IL1RAPL1: variants seen among roughly 807,000 people sequenced by gnomAD.
IL1RAPL1 encodes the protein interleukin-1 receptor accessory protein-like 1.
In IL1RAPL1, 3 loss-of-function variants were observed where a neutral mutation model predicts 48.4. That is an observed-to-expected ratio of 0.06 (90% confidence interval 0.03 to 0.16). The LOEUF is 0.16. IL1RAPL1 is among the 10% of genes least tolerant of loss of function. The pLI is 1.00. For missense variants in IL1RAPL1, 349 were observed against 530.6 expected, an observed-to-expected ratio of 0.66 and a Z score of 3.36; for synonymous variants, 185 against 187.7, an observed-to-expected ratio of 0.99 and a Z score of 0.12.
chrX:29,856,144 C>T (rs752881591), intron 6 of IL1RAPL1, among the ~76,000 whole-genome samples: 3 of 111,690 alleles, frequency 2.7e-5, no homozygotes, highest in Admixed American at 9.5e-5. Flanking sequence ...AGCTCCAGCA[C>T]GAGTTGAGAA....
chrX:29,316,014 T>C (rs1932769220), intron 3 of IL1RAPL1, among the ~76,000 whole-genome samples: 1 of 111,808 alleles, frequency 8.9e-6, no homozygotes, highest in East Asian at 2.8e-4. Context: ...AATTTGAAAG[T>C]GTTGACTATA....
At chrX:28,954,284 G>C (rs1214943650) in intron 2 of IL1RAPL1, among the ~76,000 whole-genome samples, 1 of 111,355 alleles carries the variant, frequency 9.0e-6, no homozygotes, top group Non-Finnish European at 1.9e-5. Flanking sequence ...AGATTTGTGA[G>C]TACTGGCATG....
intron 5 of IL1RAPL1, among the ~76,000 whole-genome samples, chrX:29,503,287 A>G: frequency 9.0e-6 from 1 of 111,268 alleles, no homozygotes; most frequent in Admixed American, 9.5e-5. Context: ...ATGTCCTACC[A>G]TTACCAGAGG....
chrX:29,009,113 G>A (rs765512723), intron 2 of IL1RAPL1, among the ~76,000 whole-genome samples: 10 of 112,170 alleles, frequency 8.9e-5, no homozygotes, highest in South Asian at 3.7e-4. Flanking sequence ...AGCAAATACC[G>A]CATGTTCTCA....
chrX:29,070,307 C>T (rs998048588), intron 2 of IL1RAPL1, among the ~76,000 whole-genome samples: 1 of 111,397 alleles, frequency 9.0e-6, no homozygotes, highest in Non-Finnish European at 1.9e-5. Context: ...CTGTACTTAG[C>T]GAGCCGTCAT....
intron 6 of IL1RAPL1, among the ~76,000 whole-genome samples, chrX:29,743,218 TATA>T (rs1401752894): frequency 1.9e-5 from 2 of 107,800 alleles, no homozygotes; most frequent in Admixed American, 2.0e-4. Flanking sequence ...ATGAAAATCT[TATA>T]ATTAAAATTT....
In IL1RAPL1 at chrX:29,240,195, CATATATAT is replaced by C. The variant is rs1224933369; in HGVS notation, c.83-42720_83-42713del. ...AGTAGTATATAGGTACACACACACA[CATATATAT>C]ATATATATATATATATATATATTTT... On this transcript the variant is annotated intron_variant, in intron 2 of 10. Coordinates refer to ENST00000378993, the MANE Select transcript of IL1RAPL1 (RefSeq NM_014271.4). Among the ~76,000 whole-genome samples, 92 of 27,216 alleles carry C rather than the reference CATATATAT, an allele frequency of 3.4e-3. 3 individuals are homozygous for C. Among genetic ancestry groups the C allele is most frequent in the East Asian group, 0.021 (20 of 958 alleles). 23.6% of individuals were successfully genotyped at this position (27,216 alleles called of 115,157 possible). A position where few individuals can be genotyped will look rare whatever the true frequency, so the allele number is the denominator to read the frequency against.
intron 1 of IL1RAPL1, among the ~76,000 whole-genome samples, chrX:28,623,483 A>C (rs1430813472): frequency 9.0e-6 from 1 of 111,687 alleles, no homozygotes; most frequent in Admixed American, 9.6e-5. Flanking sequence ...GCAGCAGGAC[A>C]GGCAGATTCA....
chrX:28,852,949 C>G (rs1449246506), intron 2 of IL1RAPL1, among the ~76,000 whole-genome samples: 1 of 110,283 alleles, frequency 9.1e-6, no homozygotes, highest in African/African-American at 3.3e-5. Context: ...ACTGAGAACT[C>G]TTTATTATTA....
chrX:28,854,688 A>G (rs1160815805), intron 2 of IL1RAPL1, among the ~76,000 whole-genome samples: 1 of 111,600 alleles, frequency 9.0e-6, no homozygotes, highest in Non-Finnish European at 1.9e-5. Context: ...AAGAGCAGGA[A>G]CAATTGGGGC....
intron 1 of IL1RAPL1, among the ~76,000 whole-genome samples, chrX:28,724,423 C>CT (rs1395322749): frequency 0.013 from 1,418 of 110,308 alleles, 26 homozygotes; most frequent in African/African-American, 0.045. Flanking sequence ...CAACCCCTGC[C>CT]TTTTTTTTGT....
At chrX:29,627,711 C>G (rs1024026989) in intron 5 of IL1RAPL1, among the ~76,000 whole-genome samples, 4 of 111,330 alleles carry the variant, frequency 3.6e-5, no homozygotes, top group Admixed American at 1.9e-4. Flanking sequence ...TGGTATTCAG[C>G]AAAGGCATAC....
At chrX:29,371,439 T>C (rs1466825463) in intron 3 of IL1RAPL1, among the ~76,000 whole-genome samples, 1 of 111,682 alleles carries the variant, frequency 9.0e-6, no homozygotes, top group Non-Finnish European at 1.9e-5. Flanking sequence ...GCCCTAAATG[T>C]ACTTTTTAAA....
chrX:29,804,136 C>T (rs952200656), intron 6 of IL1RAPL1, among the ~76,000 whole-genome samples: 4 of 111,276 alleles, frequency 3.6e-5, no homozygotes, highest in Non-Finnish European at 7.5e-5. Context: ...TCTGTGTCTA[C>T]CACTTTTATT....
chrX:29,945,009 AC>A (rs920296479), intron 9 of IL1RAPL1, among the ~76,000 whole-genome samples: 12 of 110,901 alleles, frequency 1.1e-4, no homozygotes, highest in African/African-American at 3.9e-4. Flanking sequence ...TACGGTTTCC[AC>A]ATTGAGTGCA....
chrX:29,521,516 T>C (rs1443090210), intron 5 of IL1RAPL1, among the ~76,000 whole-genome samples: 1 of 112,692 alleles, frequency 8.9e-6, no homozygotes, highest in African/African-American at 3.2e-5. Context: ...ACTAAAAACA[T>C]ATCTAAAACA....
chrX:29,537,279 C>G (rs1468381291), intron 5 of IL1RAPL1, among the ~76,000 whole-genome samples: 3 of 110,537 alleles, frequency 2.7e-5, no homozygotes, highest in East Asian at 5.6e-4. Context: ...TATTGTCTAT[C>G]AGAACTAAAG....
At chrX:28,945,107 T>A (rs1221820160) in intron 2 of IL1RAPL1, among the ~76,000 whole-genome samples, 1 of 111,369 alleles carries the variant, frequency 9.0e-6, no homozygotes, top group Non-Finnish European at 1.9e-5. Flanking sequence ...AACAATAAAT[T>A]CTGGCGAGGC....
intron 2 of IL1RAPL1, among the ~76,000 whole-genome samples, chrX:28,923,763 G>A (rs1923672004): frequency 2.7e-5 from 3 of 110,894 alleles, no homozygotes; most frequent in East Asian, 2.8e-4. Context: ...AATAAGATGC[G>A]AGGAAAAAGC....
Sources: allele counts gnomAD v4.1 joint callset (sites outside exome capture counted in the v4.1 genomes callset), GRCh38; gene constraint gnomAD v4.1.1; transcripts MANE v1.5; gene names NCBI Gene and HGNC (gene_info 2026-07-23, HGNC 2026-07-21).